GADD45B: variants seen among roughly 807,000 people sequenced by gnomAD.
The protein encoded by GADD45B is growth arrest and DNA damage inducible beta, also known as growth arrest and DNA damage-inducible protein GADD45 beta.
GADD45B carries 8 observed loss-of-function variants against 15.2 expected under a neutral mutation model. That is an observed-to-expected ratio of 0.53 (90% CI 0.31 to 0.95). The LOEUF (loss-of-function observed/expected upper bound fraction) is 0.95. GADD45B is among the 40% of genes least tolerant of loss of function. The pLI is 0.05. For synonymous variants in GADD45B, 100 were observed against 89.8 expected, an observed-to-expected ratio of 1.11 and a Z score of -0.64; for missense variants, 162 against 216.6, an observed-to-expected ratio of 0.75 and a Z score of 1.58.
In GADD45B at chr19:2,477,658, A is replaced by C; in HGVS notation, c.*57A>C. ...GCTGCCACAAACAAAAAATACAATA[A>C]ATATTTGAACCCCCTCCCCCCCAGC... On this transcript the variant is annotated 3_prime_UTR_variant, in exon 4 of 4. Transcript: ENST00000215631. The surrounding 1 kb of genome is among the most constrained non-coding windows in gnomAD (Gnocchi z 4.2). 2.3e-6 allele frequency: 2 copies of C among 881,112 alleles called. No homozygotes were observed. The highest frequency in any genetic ancestry group is 3.7e-6 in the Non-Finnish European group (2 of 543,742). 54.6% of individuals were successfully genotyped at this position (881,112 alleles called of 1,614,324 possible).
rs1045626440 is a variant in GADD45B at position 2,477,673 on chromosome 19, T to TC, written c.*79dup. ...AAATACAATAAATATTTGAACCCCC[T>TC]CCCCCCCAGCACAACCCCCCCAAAA... is the stretch of plus-strand genomic sequence containing the variant. On this transcript the variant is annotated 3_prime_UTR_variant, in exon 4 of 4. Coordinates refer to ENST00000215631, the MANE Select transcript of GADD45B (RefSeq NM_015675.4). The surrounding 1 kb of genome is among the most constrained non-coding windows in gnomAD (Gnocchi z 4.2). 2.6e-5 allele frequency: 13 copies of TC among 505,552 alleles called. No homozygotes were observed. Among genetic ancestry groups the TC allele is most frequent in the East Asian group, 4.3e-5 (1 of 23,024 alleles). 31.3% of individuals were successfully genotyped at this position (505,552 alleles called of 1,614,324 possible). A position where few individuals can be genotyped will look rare whatever the true frequency, so the allele number is the denominator to read the frequency against.
intron 2 of GADD45B, 37 bp from the exon 3 acceptor site, chr19:2,476,991 TC>T: frequency 7.0e-7 from 1 of 1,424,830 alleles, no homozygotes. Context: ...CCCTCCCCTG[TC>T]CCCGGCTGAC....
intron 2 of GADD45B, 140 bp downstream of exon 2, chr19:2,476,770 C>G: frequency 1.6e-6 from 1 of 631,864 alleles, no homozygotes; most frequent in Non-Finnish European, 2.7e-6. Context: ...GCTTCTCTGC[C>G]GTTTTGTGGA....
rs2144695588 is a variant in GADD45B at position 2,477,179 on chromosome 19, G to A, written c.297G>A (p.Ala99=). The A allele has an allele frequency of 6.2e-7, 1 of 1,612,314 alleles. No homozygotes were observed. The highest frequency in any genetic ancestry group is 1.7e-4 in the Middle Eastern group (1 of 6,060). Residue 99 remains alanine, a synonymous_variant, in exon 3 of 4, where the codon GCG becomes GCA. Coordinates refer to ENST00000215631, the MANE Select transcript of GADD45B (RefSeq NM_015675.4). This position sits in a 1 kb window ranked among gnomAD's most constrained non-coding sequence, Gnocchi z 4.2. The part of the protein sequence containing the change: ...IVRVSGMQRL[A]QLLGEPAETQ... ...GGGTGTCGGGCATGCAGCGCCTGGC[G>A]CAGCTCCTGGGAGAGCCGGCCGAGA...
Position 2,477,443 on chromosome 19 carries a change from C to T in GADD45B, c.370-45C>T, listed in dbSNP as rs370716993. The T allele has an allele frequency of 2.9e-6, 4 of 1,367,274 alleles. No individual in the cohort carries two copies. The highest frequency in any genetic ancestry group is 1.2e-5 in the South Asian group (1 of 84,054). 84.7% of individuals were successfully genotyped at this position (1,367,274 alleles called of 1,614,324 possible). ...GACTGTTTTCCCCACACAGGGGCCC[C>T]GGGAGAGGGAGGCTCCACTAAACCC... On this transcript the variant is annotated intron_variant, in intron 3 of 3. Coordinates refer to ENST00000215631, the MANE Select transcript of GADD45B (RefSeq NM_015675.4). This position sits in a 1 kb window ranked among gnomAD's most constrained non-coding sequence, Gnocchi z 4.2.
Position 2,476,326 on chromosome 19 carries a change from G to A in GADD45B, c.-33G>A. ...GCAATTTCTCCCTGGGGACTGCCGTGGAGCCGCATCCACTGTGGATTATAA... is the reference window on the plus strand; with the variant it reads ...GCAATTTCTCCCTGGGGACTGCCGTAGAGCCGCATCCACTGTGGATTATAA... On this transcript the variant is annotated 5_prime_UTR_variant, in exon 1 of 4. Coordinates refer to ENST00000215631, the MANE Select transcript of GADD45B (RefSeq NM_015675.4). The A allele has an allele frequency of 1.2e-6, 2 of 1,611,332 alleles. No homozygotes were observed. Among genetic ancestry groups the A allele is most frequent in the Middle Eastern group, 1.7e-4 (1 of 6,058 alleles).
rs2144696231 is a variant in GADD45B, at chr19:2,477,808, G to A, written c.*207G>A. ...CCCCCAGGGCGGAGATCCAGGAGCT[G>A]GCGGCCGCCGATCCGATGGAGAAGG... On this transcript the variant is annotated 3_prime_UTR_variant, in exon 4 of 4. Transcript: ENST00000215631. The surrounding 1 kb of genome is among the most constrained non-coding windows in gnomAD (Gnocchi z 4.2). The A allele has an allele frequency of 2.3e-6, 1 of 437,374 alleles. No homozygotes were observed. Among genetic ancestry groups the A allele is most frequent in the Non-Finnish European group, 4.2e-6 (1 of 238,992 alleles). 27.1% of individuals were successfully genotyped at this position (437,374 alleles called of 1,614,324 possible).
intron 2 of GADD45B, 81 bp from the exon 3 acceptor site, chr19:2,476,948 C>A: frequency 3.4e-6 from 3 of 879,382 alleles, no homozygotes; most frequent in Non-Finnish European, 5.5e-6. Flanking sequence ...CTCTTGCACG[C>A]TCCTTTTTTG....
Position 2,477,269 on chromosome 19 carries a change from C to A in GADD45B, c.369+18C>A. 1 of 1,477,788 alleles carries A rather than the reference C, an allele frequency of 6.8e-7. No homozygotes were observed. Among genetic ancestry groups the A allele is most frequent in the Non-Finnish European group, 9.1e-7 (1 of 1,100,300 alleles). The allele number at this position is 1,477,788 out of a possible 1,614,324, so 91.5% of individuals were successfully genotyped here. On this transcript the variant is annotated intron_variant, in intron 3 of 3. Transcript: ENST00000215631. The surrounding 1 kb of genome is among the most constrained non-coding windows in gnomAD (Gnocchi z 4.2). Reference sequence around the variant, plus strand: ...TGGTCACGGTGAGTCGGGCCTCTGCCCTGCCCCGCCACGCCCGGGCACCTG... The same window carrying A: ...TGGTCACGGTGAGTCGGGCCTCTGCACTGCCCCGCCACGCCCGGGCACCTG...
At position 2,477,678 on chromosome 19, in the gene GADD45B, C is replaced by G. The variant is rs1473286491; in HGVS notation, c.*77C>G. 3.1e-6 allele frequency: 2 copies of G among 654,034 alleles called. No homozygotes were observed. Among genetic ancestry groups the G allele is most frequent in the Non-Finnish European group, 5.3e-6 (2 of 375,994 alleles). 40.5% of individuals were successfully genotyped at this position (654,034 alleles called of 1,614,324 possible). ...CAATAAATATTTGAACCCCCTCCCCCCCAGCACAACCCCCCCAAAACAACC... is the reference window on the plus strand; with the variant it reads ...CAATAAATATTTGAACCCCCTCCCCGCCAGCACAACCCCCCCAAAACAACC... On this transcript the variant is annotated 3_prime_UTR_variant, in exon 4 of 4. Transcript: ENST00000215631. This position sits in a 1 kb window ranked among gnomAD's most constrained non-coding sequence, Gnocchi z 4.2.
rs1972311452 is a variant in GADD45B, at chr19:2,476,342, T to G, written c.-17T>G. On this transcript the variant is annotated 5_prime_UTR_variant, in exon 1 of 4. Coordinates refer to ENST00000215631, the MANE Select transcript of GADD45B (RefSeq NM_015675.4). Reference sequence around the variant, plus strand: ...GACTGCCGTGGAGCCGCATCCACTGTGGATTATAATTGCAACATGACGCTG... The same window carrying G: ...GACTGCCGTGGAGCCGCATCCACTGGGGATTATAATTGCAACATGACGCTG... 1 of 1,613,412 alleles carries G rather than the reference T, an allele frequency of 6.2e-7. No individual in the cohort carries two copies. The highest frequency in any genetic ancestry group is 1.3e-5 in the African/African-American group (1 of 74,894).
rs1972347146 is a variant in GADD45B at position 2,478,230 on chromosome 19, G to A, written c.*629G>A. ...ATCTATATTTTTATTTCTACTATGA[G>A]GGCCTTGTAATAAATTTCTAAAGCC... On this transcript the variant is annotated 3_prime_UTR_variant, in exon 4 of 4. Transcript: ENST00000215631. The A allele has an allele frequency of 1.3e-5, 2 of 151,950 alleles. No homozygotes were observed. Among genetic ancestry groups the A allele is most frequent in the South Asian group, 4.1e-4 (2 of 4,822 alleles). The allele number at this position is 151,950 out of a possible 1,614,324, so 9.4% of individuals were successfully genotyped here. A position where few individuals can be genotyped will look rare whatever the true frequency, so the allele number is the denominator to read the frequency against.
chr19:2,476,932 C>T, intron 2 of GADD45B, 97 bp from the exon 3 acceptor site: 1 of 757,890 alleles, frequency 1.3e-6, no homozygotes, highest in East Asian at 2.6e-5. Context: ...TGCAGTTTCT[C>T]TTTTGCTCTT....
At position 2,478,148 on chromosome 19, in the gene GADD45B, A is replaced by G. The variant is rs1436407571; in HGVS notation, c.*547A>G. On this transcript the variant is annotated 3_prime_UTR_variant, in exon 4 of 4. Coordinates refer to ENST00000215631, the MANE Select transcript of GADD45B (RefSeq NM_015675.4). ...AGTTTGCGAATTATAGAGACAATCT[A>G]TTTTGTTACTTGCACTTGTTATTCG... 6.6e-6 allele frequency: 1 copy of G among 152,320 alleles called. No homozygotes were observed. The highest frequency in any genetic ancestry group is 2.4e-5 in the African/African-American group (1 of 41,428). The allele number at this position is 152,320 out of a possible 1,614,324, so 9.4% of individuals were successfully genotyped here.
chr19:2,477,193 A>G lies in GADD45B; in HGVS notation c.311A>G (p.Glu104Gly), dbSNP rs1972329332. Residue 104 changes from glutamate to glycine, a missense_variant, in exon 3 of 4, where the codon GAG becomes GGG. Transcript: ENST00000215631. This position sits in a 1 kb window ranked among gnomAD's most constrained non-coding sequence, Gnocchi z 4.2. ...CAGCGCCTGGCGCAGCTCCTGGGAG[A>G]GCCGGCCGAGACCCAGGGCACCACC... is the stretch of plus-strand genomic sequence containing the variant. ...GMQRLAQLLG[E>G]PAETQGTTEA... 4 of 1,609,718 alleles carry G rather than the reference A, an allele frequency of 2.5e-6. No homozygotes were observed. The Admixed American group carries it at 6.7e-5, about 27-fold the overall frequency.
chr19:2,476,496 C>G, intron 1 of GADD45B, 33 bp from the exon 2 acceptor site: 3 of 1,600,260 alleles, frequency 1.9e-6, no homozygotes, highest in Non-Finnish European at 2.6e-6. Context: ...CCCGGTGGTC[C>G]GCCCGTCACT....
Position 2,477,537 on chromosome 19 carries a change from G to C in GADD45B, c.419G>C (p.Ser140Thr). The C allele has an allele frequency of 6.2e-7, 1 of 1,613,932 alleles. No homozygotes were observed. Among genetic ancestry groups the C allele is most frequent in the South Asian group, 1.1e-5 (1 of 91,070 alleles). Reference protein sequence around the residue: ...WKSHGLVEVASYCEESRGNNQ... With the variant: ...WKSHGLVEVATYCEESRGNNQ... ...AGCCACGGCTTGGTGGAGGTGGCCA[G>C]CTACTGCGAAGAAAGCCGGGGCAAC... Residue 140 changes from serine to threonine, a missense_variant, in exon 4 of 4, where the codon AGC (serine) becomes ACC (threonine). By Grantham distance (58) the Ser-to-Thr change is moderately conservative. Transcript: ENST00000215631. The surrounding 1 kb of genome is among the most constrained non-coding windows in gnomAD (Gnocchi z 4.2).
intron 2 of GADD45B, 63 bp from the exon 3 acceptor site, chr19:2,476,966 C>A: frequency 9.2e-7 from 1 of 1,089,282 alleles, no homozygotes; most frequent in South Asian, 1.3e-5. Flanking sequence ...TTGCAAACTC[C>A]CCCTGCACGG....
Position 2,477,330 on chromosome 19 carries a change from C to A in GADD45B, c.369+79C>A. 1 of 1,101,556 alleles carries A rather than the reference C, an allele frequency of 9.1e-7. No homozygotes were observed. Among genetic ancestry groups the A allele is most frequent in the Non-Finnish European group, 1.3e-6 (1 of 770,810 alleles). 68.2% of individuals were successfully genotyped at this position (1,101,556 alleles called of 1,614,324 possible). A position where few individuals can be genotyped will look rare whatever the true frequency, so the allele number is the denominator to read the frequency against. On this transcript the variant is annotated intron_variant, in intron 3 of 3. Transcript: ENST00000215631. This position sits in a 1 kb window ranked among gnomAD's most constrained non-coding sequence, Gnocchi z 4.2. Reference sequence around the variant, plus strand: ...TGTCAACAAAGTCGGGCTGACTGGTCCTGCACAGCTCAGCGCTCAGCCACG... The same window carrying A: ...TGTCAACAAAGTCGGGCTGACTGGTACTGCACAGCTCAGCGCTCAGCCACG...
Sources: gnomAD v4.1 joint callset for allele counts on GRCh38, gnomAD v4.1.1 for gene constraint, Gnocchi (gnomAD v3.1) non-coding constraint, MANE v1.5 for transcripts, NCBI Gene and HGNC (gene_info 2026-07-23, HGNC 2026-07-21) for gene names.